Variants in PAPPA observed in about 807,000 individuals in gnomAD.
PAPPA encodes the protein pappalysin-1.
A neutral mutation model predicts 164.0 loss-of-function variants in PAPPA; 60 were observed. The ratio of observed to expected loss-of-function variants is 0.37; its 90% CI spans 0.30 to 0.45. The LOEUF (loss-of-function observed/expected upper bound fraction) is 0.45. Ranked by LOEUF, PAPPA falls within the 20% of genes least tolerant of loss-of-function variation. PAPPA has a pLI of 1.00. For missense variants in PAPPA, 1,782 were observed against 2,087.3 expected, an observed-to-expected ratio of 0.85 and a Z score of 2.85; for synonymous variants, 875 against 814.1, an observed-to-expected ratio of 1.07 and a Z score of -1.27.
intron 1 of PAPPA, among the ~76,000 whole-genome samples, chr9:116,161,070 T>G (rs532121178): frequency 6.6e-6 from 1 of 152,294 alleles, no homozygotes; most frequent in East Asian, 1.9e-4. Flanking sequence ...CAGACCACAG[T>G]GCACGGGTCA....
intron 1 of PAPPA, among the ~76,000 whole-genome samples, chr9:116,178,962 A>G (rs1453871621): frequency 6.6e-6 from 1 of 152,234 alleles, no homozygotes; most frequent in African/African-American, 2.4e-5. Context: ...TTGCCATCCC[A>G]AATGTACCAC....
At chr9:116,315,821 C>G (rs1845781407) in intron 10 of PAPPA, among the ~76,000 whole-genome samples, 1 of 152,188 alleles carries the variant, frequency 6.6e-6, no homozygotes, top group Non-Finnish European at 1.5e-5. Context: ...TACACAATAA[C>G]AACAAATACC....
chr9:116,344,347 C>T (rs6478232), intron 13 of PAPPA, among the ~76,000 whole-genome samples, 196 bp from the exon 14 acceptor site: 89,759 of 152,054 alleles, frequency 0.59, 29,190 homozygotes, highest in Middle Eastern at 0.72. Flanking sequence ...TTGTCTGTTG[C>T]CATAACTTGT....
intron 19 of PAPPA, among the ~76,000 whole-genome samples, chr9:116,369,314 A>G (rs1212868514): frequency 6.6e-6 from 1 of 152,162 alleles, no homozygotes; most frequent in Admixed American, 6.5e-5. Flanking sequence ...ATACCCAGGC[A>G]TGCAGGGAGC....
intron 9 of PAPPA, among the ~76,000 whole-genome samples, chr9:116,279,451 G>C (rs923354587): frequency 6.6e-6 from 1 of 152,060 alleles, no homozygotes. Context: ...AACCCGGGAG[G>C]CCTACCCCAC....
chr9:116,391,003 C>CAGAT (rs998116695), intron 21 of PAPPA, among the ~76,000 whole-genome samples: 3 of 152,112 alleles, frequency 2.0e-5, no homozygotes, highest in Admixed American at 1.3e-4. Context: ...CTCCTTTTTA[C>CAGAT]AGATAGAGAA....
At chr9:116,253,092 A>G (rs1844878780) in intron 7 of PAPPA, among the ~76,000 whole-genome samples, 1 of 152,144 alleles carries the variant, frequency 6.6e-6, no homozygotes, top group African/African-American at 2.4e-5. Flanking sequence ...GTGATTGCAA[A>G]ATGTGTGCTC....
At chr9:116,374,486 G>A (rs1846623987) in intron 19 of PAPPA, among the ~76,000 whole-genome samples, 1 of 152,140 alleles carries the variant, frequency 6.6e-6, no homozygotes, top group East Asian at 1.9e-4. Context: ...CACACAGAGG[G>A]GTCCTGTAGT....
In PAPPA at chr9:116,235,245, C is replaced by T; in HGVS notation, c.2340C>T (p.Gly780=). The T allele has an allele frequency of 6.2e-7, 1 of 1,614,186 alleles. No homozygotes were observed. Among genetic ancestry groups the T allele is most frequent in the Non-Finnish European group, 8.5e-7 (1 of 1,180,032 alleles). ...CTCCAGCCTGCCCTGAGCCTCAAGG[C>T]TGCTACCTCGAGCTGGAGTTCCTCT... The part of the protein sequence containing the change: ...TVPPACPEPQ[G]CYLELEFLYP... Residue 780 remains glycine (G), a synonymous_variant, in exon 7 of 22, where the codon GGC becomes GGT. Coordinates refer to ENST00000328252, the MANE Select transcript of PAPPA (RefSeq NM_002581.5).
intron 9 of PAPPA, among the ~76,000 whole-genome samples, chr9:116,278,951 C>T (rs1845234909): frequency 6.6e-6 from 1 of 152,212 alleles, no homozygotes; most frequent in Non-Finnish European, 1.5e-5. Context: ...TCCCCTTCCT[C>T]ATTGCCTATC....
chr9:116,275,414 G>A (rs1845184634), intron 9 of PAPPA, among the ~76,000 whole-genome samples: 2 of 152,044 alleles, frequency 1.3e-5, no homozygotes, highest in Admixed American at 6.5e-5. Context: ...TGTTTTCTGT[G>A]AACTACGGGT....
chr9:116,200,976 TC>T (rs1169147157), intron 2 of PAPPA, among the ~76,000 whole-genome samples: 1 of 152,208 alleles, frequency 6.6e-6, no homozygotes, highest in East Asian at 1.9e-4. Flanking sequence ...ATGTCAGGCT[TC>T]CATACAAAAT....
chr9:116,324,896 C>T (rs1470562641), intron 10 of PAPPA, among the ~76,000 whole-genome samples: 1 of 152,180 alleles, frequency 6.6e-6, no homozygotes, highest in East Asian at 1.9e-4. Flanking sequence ...GCTGCTGAAA[C>T]CAGCTCCTGA....
chr9:116,280,445 AAGG>A (rs1845252477), intron 9 of PAPPA, among the ~76,000 whole-genome samples: 1 of 152,188 alleles, frequency 6.6e-6, no homozygotes, highest in Non-Finnish European at 1.5e-5. Flanking sequence ...GTAACTGAGC[AAGG>A]ATTGCAAGAA....
At chr9:116,232,437 T>C (rs1844609904) in intron 6 of PAPPA, among the ~76,000 whole-genome samples, 1 of 152,164 alleles carries the variant, frequency 6.6e-6, no homozygotes, top group Admixed American at 6.5e-5. Context: ...GGTAACACAA[T>C]GAGAAACCCT....
chr9:116,349,844 CA>C (rs1214186112), intron 15 of PAPPA, among the ~76,000 whole-genome samples: 3 of 152,282 alleles, frequency 2.0e-5, no homozygotes, highest in Non-Finnish European at 4.4e-5. Flanking sequence ...TACCCTCTAC[CA>C]GGAACTTCAG....
chr9:116,334,743 G>A, intron 12 of PAPPA, 118 bp from the exon 13 acceptor site: 1 of 674,316 alleles, frequency 1.5e-6, no homozygotes, highest in African/African-American at 1.8e-5. Context: ...CCGCCCAATG[G>A]TGCTTTTGTG....
At chr9:116,257,364 C>T (rs1844939587) in intron 7 of PAPPA, among the ~76,000 whole-genome samples, 1 of 151,814 alleles carries the variant, frequency 6.6e-6, no homozygotes, top group South Asian at 2.1e-4. Context: ...TCAGAATGCC[C>T]AGTTTTGCCA....
At chr9:116,288,444 TC>T (rs1587988380) in intron 9 of PAPPA, among the ~76,000 whole-genome samples, 32 of 32,270 alleles carry the variant, frequency 9.9e-4, no homozygotes, top group Admixed American at 3.2e-3. Flanking sequence ...CCTCCCTCCC[TC>T]CCTTCCTTCC....
Sources: allele counts gnomAD v4.1 joint callset (sites outside exome capture counted in the v4.1 genomes callset), GRCh38; gene constraint gnomAD v4.1.1; transcripts MANE v1.5; gene names NCBI Gene and HGNC (gene_info 2026-07-23, HGNC 2026-07-21).